The following TRABD2B variants were observed in gnomAD, a reference collection of about 807,000 sequenced individuals.
TRABD2B encodes the protein metalloprotease TIKI2.
Under a neutral mutation model 40.1 loss-of-function variants are expected in TRABD2B, and 14 were observed. The observed-to-expected ratio is 0.35, with a 90% CI of 0.23 to 0.55. TRABD2B has a LOEUF of 0.55. Ranked by LOEUF, TRABD2B falls within the 20% of genes least tolerant of loss-of-function variation. The pLI is 0.90. For synonymous variants in TRABD2B, 263 were observed against 277.0 expected, an observed-to-expected ratio of 0.95 and a Z score of 0.50; for missense variants, 541 against 648.6, an observed-to-expected ratio of 0.83 and a Z score of 1.80.
At position 47,887,421 on chromosome 1, in the gene TRABD2B, T is replaced by G. The variant is rs550933221; in HGVS notation, c.667-85802A>C. 2.0e-5 allele frequency among the ~76,000 whole-genome samples: 3 copies of G among 150,420 alleles called. No individual in the cohort carries two copies. The South Asian group carries it at 6.4e-4, about 32-fold the overall frequency. On this transcript the variant is annotated intron_variant, in intron 2 of 6. Transcript: ENST00000606738. Reference sequence around the variant, plus strand: ...TGCCTAGTGGTTTTATCTGTGGCTTTGAGTGGGGTGGGGCTTGGGAGTCAT... The same window carrying G: ...TGCCTAGTGGTTTTATCTGTGGCTTGGAGTGGGGTGGGGCTTGGGAGTCAT...
At chr1:47,831,740 C>G (rs141806186) in intron 2 of TRABD2B, among the ~76,000 whole-genome samples, 68 of 152,276 alleles carry the variant, frequency 4.5e-4, no homozygotes, top group African/African-American at 1.6e-3. Context: ...GGTGAGTTGG[C>G]ATGCTCCTTG....
At chr1:47,876,679 G>C (rs1489593923) in intron 2 of TRABD2B, among the ~76,000 whole-genome samples, 1 of 152,226 alleles carries the variant, frequency 6.6e-6, no homozygotes, top group Non-Finnish European at 1.5e-5. Context: ...GCCCAGCCGG[G>C]GGGCCCACAG....
chr1:47,977,719 G>A (rs1409191823), intron 2 of TRABD2B, among the ~76,000 whole-genome samples: 1 of 151,478 alleles, frequency 6.6e-6, no homozygotes, highest in Non-Finnish European at 1.5e-5. Context: ...GGAACCAAGA[G>A]GAAGGACAGG....
At chr1:47,957,390 G>T (rs185245677) in intron 2 of TRABD2B, among the ~76,000 whole-genome samples, 17 of 152,332 alleles carry the variant, frequency 1.1e-4, no homozygotes, top group Non-Finnish European at 2.1e-4. Context: ...GAAGGTGTCA[G>T]ATGATCAGTA....
chr1:47,874,275 T>TG (rs1481456796), intron 2 of TRABD2B, among the ~76,000 whole-genome samples: 3 of 145,510 alleles, frequency 2.1e-5, no homozygotes, highest in African/African-American at 7.6e-5. Context: ...TTTTTTTTTT[T>TG]TGAGACGGAG....
intron 2 of TRABD2B, among the ~76,000 whole-genome samples, chr1:47,934,300 T>C (rs1270433377): frequency 2.0e-5 from 3 of 152,222 alleles, no homozygotes; most frequent in Non-Finnish European, 4.4e-5. Context: ...GGCCTGGCCC[T>C]GGAGGTGCTT....
chr1:47,988,358 A>G (rs1645951314), intron 2 of TRABD2B, among the ~76,000 whole-genome samples: 1 of 152,194 alleles, frequency 6.6e-6, no homozygotes, highest in Non-Finnish European at 1.5e-5. Context: ...AATGGGGTGC[A>G]CACTCAGGTA....
chr1:47,977,115 C>T (rs1163416301), intron 2 of TRABD2B, among the ~76,000 whole-genome samples: 2 of 148,654 alleles, frequency 1.3e-5, no homozygotes, highest in South Asian at 4.3e-4. Flanking sequence ...CTCTGTTGCT[C>T]AGGCTGGAGT....
Position 47,775,316 on chromosome 1 carries a change from C to G in TRABD2B, c.1203G>C (p.Glu401Asp). The stretch of plus-strand genomic sequence containing the variant: ...GGAGGTGTGGGGACAGGGCTGGATC[C>G]TCATCCTCTGGTGGGGCGGTGGGGG... ...SVTPTAPPED[E>D]DPALSPHLLL... Residue 401 changes from glutamate to aspartate, a missense_variant, in exon 6 of 7, where the codon GAG (glutamate) becomes GAC (aspartate). Glu to Asp is a conservative substitution (Grantham distance 45, BLOSUM62 2). Coordinates refer to ENST00000606738, the MANE Select transcript of TRABD2B (RefSeq NM_001194986.2). 2.4e-6 allele frequency: 3 copies of G among 1,246,896 alleles called. No individual in the cohort carries two copies. Among genetic ancestry groups the G allele is most frequent in the Non-Finnish European group, 3.0e-6 (3 of 993,516 alleles). The allele number at this position is 1,246,896 out of a possible 1,614,324, so 77.2% of individuals were successfully genotyped here.
intron 2 of TRABD2B, among the ~76,000 whole-genome samples, chr1:47,836,816 C>T (rs1645325471): frequency 6.6e-6 from 1 of 152,190 alleles, no homozygotes; most frequent in Admixed American, 6.5e-5. Flanking sequence ...GAGGACACAG[C>T]TAGAAGACTG....
rs570567604 is a variant in TRABD2B, at chr1:47,886,201, A to T, written c.667-84582T>A. 7.9e-5 allele frequency among the ~76,000 whole-genome samples: 12 copies of T among 151,900 alleles called. No individual in the cohort carries two copies. In the South Asian group the frequency reaches 1.3e-3, roughly 16 times the overall value. On this transcript the variant is annotated intron_variant, in intron 2 of 6. Coordinates refer to ENST00000606738, the MANE Select transcript of TRABD2B (RefSeq NM_001194986.2). ...CAGTTCAAACCTGATTCATCATCTAACCCACCTCCTCCAGGGAGCCCTCCA... is the reference window on the plus strand; with the variant it reads ...CAGTTCAAACCTGATTCATCATCTATCCCACCTCCTCCAGGGAGCCCTCCA...
chr1:47,784,872 G>A (rs1644574071), intron 4 of TRABD2B, among the ~76,000 whole-genome samples: 1 of 152,232 alleles, frequency 6.6e-6, no homozygotes. Flanking sequence ...GCCAGGAGCT[G>A]ACACACAGTC....
At chr1:47,913,132 A>G (rs1644784869) in intron 2 of TRABD2B, among the ~76,000 whole-genome samples, 1 of 152,084 alleles carries the variant, frequency 6.6e-6, no homozygotes, top group African/African-American at 2.4e-5. Context: ...AGCCCAACAG[A>G]CTTTTGGGGA....
chr1:47,870,854 G>A (rs1209820284), intron 2 of TRABD2B, among the ~76,000 whole-genome samples: 1 of 152,158 alleles, frequency 6.6e-6, no homozygotes, highest in East Asian at 1.9e-4. Flanking sequence ...AATCTTGAAG[G>A]ACAATGGGAT....
intron 2 of TRABD2B, among the ~76,000 whole-genome samples, chr1:47,834,626 G>A (rs1009695185): frequency 6.6e-6 from 1 of 151,728 alleles, no homozygotes; most frequent in African/African-American, 2.4e-5. Context: ...AAAGACTGAG[G>A]GACTTACTGG....
chr1:47,830,949 C>T (rs1645239686), intron 2 of TRABD2B, among the ~76,000 whole-genome samples: 1 of 152,148 alleles, frequency 6.6e-6, no homozygotes, highest in African/African-American at 2.4e-5. Flanking sequence ...GAGAGAAAGG[C>T]AGAAAGAGGA....
chr1:47,979,661 G>A (rs1645812066), intron 2 of TRABD2B, among the ~76,000 whole-genome samples: 1 of 152,152 alleles, frequency 6.6e-6, no homozygotes, highest in African/African-American at 2.4e-5. Flanking sequence ...CTTTGAACAG[G>A]TGGAATCCCA....
intron 2 of TRABD2B, among the ~76,000 whole-genome samples, chr1:47,918,261 T>A (rs1644855551): frequency 1.3e-5 from 2 of 152,234 alleles, no homozygotes; most frequent in Admixed American, 1.3e-4. Flanking sequence ...AGCCAGCTCC[T>A]TTCTGGCAGT....
intron 1 of TRABD2B, among the ~76,000 whole-genome samples, chr1:47,995,519 T>C (rs200935997): frequency 1.4e-4 from 20 of 142,256 alleles, no homozygotes; most frequent in African/African-American, 1.9e-4. Context: ...TGTGTGTGTG[T>C]GCGCGTGTGT....
Sources: gnomAD v4.1 joint callset for allele counts (sites outside exome capture counted in the v4.1 genomes callset) on GRCh38, gnomAD v4.1.1 for gene constraint, MANE v1.5 for transcripts, NCBI Gene and HGNC (gene_info 2026-07-23, HGNC 2026-07-21) for gene names.